GPATCH1: variants seen among roughly 807,000 people sequenced by gnomAD.
GPATCH1 encodes the protein G patch domain-containing protein 1.
Under a neutral mutation model 114.9 loss-of-function variants are expected in GPATCH1, and 73 were observed. The observed-to-expected ratio is 0.64, with a 90% confidence interval of 0.53 to 0.77. The LOEUF (loss-of-function observed/expected upper bound fraction) is 0.77. Among genes scored for constraint, GPATCH1 ranks in the 30% least tolerant of loss-of-function variants. GPATCH1 has a pLI of 0.00. For synonymous variants in GPATCH1, 391 were observed against 428.4 expected, an observed-to-expected ratio of 0.91 and a Z score of 1.08; for missense variants, 1,058 against 1,144.3, an observed-to-expected ratio of 0.92 and a Z score of 1.09.
chr19:33,104,981 C>T (rs1164864231), intron 9 of GPATCH1, among the ~76,000 whole-genome samples: 1 of 152,138 alleles, frequency 6.6e-6, no homozygotes, highest in East Asian at 1.9e-4. Flanking sequence ...TCATTCATGC[C>T]TGTCAGTGTT....
chr19:33,128,867 CT>C (rs1485672253), intron 19 of GPATCH1, among the ~76,000 whole-genome samples: 2 of 152,126 alleles, frequency 1.3e-5, no homozygotes, highest in African/African-American at 4.8e-5. Flanking sequence ...GGGTTTTTTA[CT>C]TTGAGTCTGT....
At chr19:33,128,613 C>T (rs1019775779) in intron 19 of GPATCH1, among the ~76,000 whole-genome samples, 41 of 152,174 alleles carry the variant, frequency 2.7e-4, no homozygotes, top group African/African-American at 8.9e-4. Context: ...AAACTGGTCT[C>T]GAACTCCTGG....
At chr19:33,096,563 G>T (rs1972662677) in intron 7 of GPATCH1, 117 bp downstream of exon 7, 2 of 786,390 alleles carry the variant, frequency 2.5e-6, no homozygotes, top group Non-Finnish European at 4.0e-6. Flanking sequence ...TCCTCAAGTG[G>T]AATCAGGTCA....
chr19:33,118,965 T>G, intron 16 of GPATCH1, 45 bp from the exon 17 acceptor site: 2 of 1,175,288 alleles, frequency 1.7e-6, no homozygotes, highest in Non-Finnish European at 2.5e-6. Context: ...TCAGAGACAT[T>G]AACATGGGGC....
rs749327028 is a variant in GPATCH1, at chr19:33,088,287, T to A, written c.208+19T>A. ...AAAGAAGGTATCATTTTCCTAATTG[T>A]AGCTATTATACCATTAAAGCAAATG... is the stretch of plus-strand genomic sequence containing the variant. On this transcript the variant is annotated intron_variant, in intron 2 of 19. Coordinates refer to ENST00000170564, the MANE Select transcript of GPATCH1 (RefSeq NM_018025.3). 1.0e-4 allele frequency: 155 copies of A among 1,557,570 alleles called. No homozygotes were observed. The highest frequency in any genetic ancestry group is 1.3e-4 in the Non-Finnish European group (152 of 1,139,348).
Position 33,101,489 on chromosome 19 carries a change from T to C in GPATCH1, c.1001-6T>C. 6.6e-7 allele frequency: 1 copy of C among 1,521,182 alleles called. No individual in the cohort carries two copies. The highest frequency in any genetic ancestry group is 1.1e-5 in the South Asian group (1 of 88,606). 94.2% of individuals were successfully genotyped at this position (1,521,182 alleles called of 1,614,324 possible). ...TCTGGAATTAATCTATGACATCATT[T>C]TGTAGAATCAGAGAAAGACCTTCGG... On this transcript the variant is annotated splice_polypyrimidine_tract_variant and splice_region_variant and intron_variant, in intron 8 of 19. Transcript: ENST00000170564.
At position 33,106,768 on chromosome 19, in the gene GPATCH1, C is replaced by T. The variant is rs981802406; in HGVS notation, c.1154C>T (p.Ser385Phe). The T allele has an allele frequency of 6.2e-7, 1 of 1,613,852 alleles. No homozygotes were observed. The highest frequency in any genetic ancestry group is 1.3e-5 in the African/African-American group (1 of 74,870). ...HYFRPMVAAT[S>F]ENSHLLQVLS... Reference sequence around the variant, plus strand: ...TTCAGACCCATGGTGGCCGCCACCTCCGAGAACTCACACTTACTGCAGGTA... The same window carrying T: ...TTCAGACCCATGGTGGCCGCCACCTTCGAGAACTCACACTTACTGCAGGTA... Residue 385 changes from serine (S) to phenylalanine (F), a missense_variant, in exon 10 of 20, where the codon TCC becomes TTC. Coordinates refer to ENST00000170564, the MANE Select transcript of GPATCH1 (RefSeq NM_018025.3).
intron 9 of GPATCH1, among the ~76,000 whole-genome samples, chr19:33,106,404 T>A (rs183166599): frequency 2.0e-5 from 3 of 152,306 alleles, no homozygotes; most frequent in Non-Finnish European, 4.4e-5. Flanking sequence ...TCTATTGTCA[T>A]CTTTATAGTT....
chr19:33,114,407 A>C lies in GPATCH1; in HGVS notation c.2184A>C (p.Leu728Phe), dbSNP rs1340281048. 6.3e-7 allele frequency: 1 copy of C among 1,593,414 alleles called. No homozygotes were observed. The highest frequency in any genetic ancestry group is 8.5e-7 in the Non-Finnish European group (1 of 1,174,306). Reference sequence around the variant, plus strand: ...AAGAGGAAGAGCATGCACCAGAATTATCCGCAAATCAGGTATTTGGGGCTT... The same window carrying C: ...AAGAGGAAGAGCATGCACCAGAATTCTCCGCAAATCAGGTATTTGGGGCTT... ...VNKEEEHAPE[L>F]SANQTVNKDV... The change falls in exon 15 of 20, where the codon TTA becomes TTC. Residue 728 changes from leucine to phenylalanine, a missense_variant. Physicochemically the swap from Leu to Phe is conservative, Grantham distance 22. Transcript: ENST00000170564.
intron 5 of GPATCH1, 48 bp downstream of exon 5, chr19:33,094,317 T>C (rs1433410052): frequency 1.0e-6 from 1 of 964,860 alleles, no homozygotes; most frequent in African/African-American, 1.7e-5. Context: ...AGCGTACTTT[T>C]TTTTTTTTTT....
At chr19:33,103,869 C>G (rs545565109) in intron 9 of GPATCH1, among the ~76,000 whole-genome samples, 1 of 152,068 alleles carries the variant, frequency 6.6e-6, no homozygotes, top group Non-Finnish European at 1.5e-5. Flanking sequence ...TGGAGAGACA[C>G]AGTCCTGGGG....
chr19:33,113,736 T>A lies in GPATCH1; in HGVS notation c.1893-31T>A, dbSNP rs376184295. ...GAGGTGGATTTTGTCCTACTGGTTG[T>A]TACTAAAATGATTCTTTTTTCAATT... is the stretch of plus-strand genomic sequence containing the variant. On this transcript the variant is annotated intron_variant, in intron 13 of 19. Transcript: ENST00000170564. 4.7e-5 allele frequency: 76 copies of A among 1,606,856 alleles called. No individual in the cohort carries two copies. The African/African-American group carries it at 1.0e-3, about 21-fold the overall frequency.
rs200997266 is a variant in GPATCH1, at chr19:33,094,258, G to A, written c.542G>A (p.Arg181Gln). The A allele has an allele frequency of 3.8e-6, 6 of 1,571,476 alleles. No homozygotes were observed. The highest frequency in any genetic ancestry group is 2.2e-5 in the East Asian group (1 of 44,662). Residue 181 changes from arginine (R) to glutamine (Q), a missense_variant, in exon 5 of 20, where the codon CGA (arginine) becomes CAA (glutamine). By Grantham distance (43) the Arg-to-Gln change is conservative. Around this residue, in one of 3 missense-constraint regions of GPATCH1, gnomAD observed 893 missense variants for 977.4 expected, o/e 0.91. Coordinates refer to ENST00000170564, the MANE Select transcript of GPATCH1 (RefSeq NM_018025.3). Reference sequence around the variant, plus strand: ...CCTCGAGTAAAGAGACGGCCACGCCGACAGAAACCTGGTGTGTATGTTAAT... The same window carrying A: ...CCTCGAGTAAAGAGACGGCCACGCCAACAGAAACCTGGTGTGTATGTTAAT... ...VGPRVKRRPR[R>Q]QKPDPGVKIY...
At chr19:33,098,504 G>A (rs1321197017) in intron 8 of GPATCH1, among the ~76,000 whole-genome samples, 1 of 152,184 alleles carries the variant, frequency 6.6e-6, no homozygotes, top group Non-Finnish European at 1.5e-5. Context: ...AAGGTGCAGG[G>A]CCAGACAGTG....
At chr19:33,105,148 T>C (rs1972768871) in intron 9 of GPATCH1, among the ~76,000 whole-genome samples, 1 of 151,898 alleles carries the variant, frequency 6.6e-6, no homozygotes, top group African/African-American at 2.4e-5. Context: ...GATGAAAAAA[T>C]AGGCCAGGCG....
In GPATCH1 at chr19:33,109,782, C is replaced by T; in HGVS notation, c.1351C>T (p.Gln451Ter). Residue 451 changes from glutamine to a stop codon, truncating the protein, a stop_gained, in exon 11 of 20, where the codon CAG (glutamine) becomes TAG (stop). Coordinates refer to ENST00000170564, the MANE Select transcript of GPATCH1 (RefSeq NM_018025.3). LOFTEE classifies it high-confidence loss of function. ...CAAAGAGAGAATCAAAGAAATGAAG[C>T]AGGCAACTGACCTGAAAGCAGCTCA... The part of the protein sequence containing the change: ...KDKERIKEMK[Q>*]ATDLKAAQLK... 1 of 1,604,572 alleles carries T rather than the reference C, an allele frequency of 6.2e-7. No individual in the cohort carries two copies. The highest frequency in any genetic ancestry group is 8.5e-7 in the Non-Finnish European group (1 of 1,175,628).
chr19:33,091,244 T>C (rs1432265373), intron 3 of GPATCH1, among the ~76,000 whole-genome samples: 1 of 151,810 alleles, frequency 6.6e-6, no homozygotes, highest in Non-Finnish European at 1.5e-5. Flanking sequence ...ACCCCGTCTC[T>C]ACTAAACAAA....
rs773156118 is a variant in GPATCH1 at position 33,093,561 on chromosome 19, T to C, written c.455+42T>C. 5.1e-6 allele frequency: 8 copies of C among 1,557,514 alleles called. No individual in the cohort carries two copies. In the South Asian group the frequency reaches 8.0e-5, roughly 16 times the overall value. On this transcript the variant is annotated intron_variant, in intron 4 of 19. Coordinates refer to ENST00000170564, the MANE Select transcript of GPATCH1 (RefSeq NM_018025.3). ...GACTGTCATGATCTTAGCACCGGTG[T>C]TTTGCATATGTGTGATTCTCTTGCT...
chr19:33,129,604 T>G (rs1208839965), intron 19 of GPATCH1, among the ~76,000 whole-genome samples: 1 of 151,950 alleles, frequency 6.6e-6, no homozygotes, highest in Non-Finnish European at 1.5e-5. Flanking sequence ...ATACGAGGTG[T>G]GGGTGAGTGA....
Sources: allele counts gnomAD v4.1 joint callset (sites outside exome capture counted in the v4.1 genomes callset), GRCh38; gene constraint gnomAD v4.1.1; regional missense constraint gnomAD v4.1.1; transcripts MANE v1.5; gene names NCBI Gene and HGNC (gene_info 2026-07-23, HGNC 2026-07-21).